Variants in SYNE1 observed in about 807,000 individuals in gnomAD.
The protein encoded by SYNE1 is nesprin-1.
In SYNE1, 616 loss-of-function variants were observed where a neutral mutation model predicts 1,111.0. The ratio of observed to expected loss-of-function variants is 0.55; its 90% CI spans 0.52 to 0.59. The LOEUF is 0.59. Ranked by LOEUF, SYNE1 falls within the 20% of genes least tolerant of loss-of-function variation. The probability of loss-of-function intolerance (pLI) is 0.00; values close to 1 mark genes in which losing one functional copy is unlikely to be tolerated. For synonymous variants in SYNE1, 3,855 were observed against 3,825.8 expected (o/e 1.01, Z -0.28); for missense variants, 10,006 against 10,417.0 (o/e 0.96, Z 1.72).
intron 138 of SYNE1, among the ~76,000 whole-genome samples, chr6:152,142,233 A>C (rs1217337337): frequency 6.6e-6 from 1 of 152,238 alleles, no homozygotes; most frequent in Non-Finnish European, 1.5e-5. Flanking sequence ...GACTCAAAAC[A>C]GATTAAACCA....
In SYNE1 at chr6:152,379,482, G is replaced by A. The variant is rs6937946; in HGVS notation, c.9009+1524C>T. Among the ~76,000 whole-genome samples, 408 of 152,058 alleles carry A rather than the reference G, an allele frequency of 2.7e-3. 3 individuals are homozygous for A. Among genetic ancestry groups the A allele is most frequent in the African/African-American group, 9.4e-3 (391 of 41,468 alleles). ...AAATAAATACTTTAATTCTTATTGT[G>A]ATCATCAACAATGACAAGTCCTCCC... On this transcript the variant is annotated intron_variant, in intron 56 of 145. Coordinates refer to ENST00000367255, the MANE Select transcript of SYNE1 (RefSeq NM_182961.4).
Position 152,567,586 on chromosome 6 carries a change from T to C in SYNE1, c.68-27565A>G, listed in dbSNP as rs1248968977. 5.3e-5 allele frequency among the ~76,000 whole-genome samples: 8 copies of C among 152,188 alleles called. No homozygotes were observed. In the East Asian group the frequency reaches 7.7e-4, roughly 15 times the overall value. On this transcript the variant is annotated intron_variant, in intron 3 of 145. Transcript: ENST00000367255. ...AAGAATAAAAGAAGAACAGAGTATT[T>C]TTTCAACTGCCATGATGTCTCCAGC...
chr6:152,552,918 T>C lies in SYNE1; in HGVS notation c.68-12897A>G, dbSNP rs2099352563. Among the ~76,000 whole-genome samples the C allele has an allele frequency of 2.0e-5, 3 of 152,160 alleles. No homozygotes were observed. The South Asian group carries it at 6.2e-4, about 32-fold the overall frequency. On this transcript the variant is annotated intron_variant, in intron 3 of 145. Coordinates refer to ENST00000367255, the MANE Select transcript of SYNE1 (RefSeq NM_182961.4). ...GGTTTCCACATGAGACAGCAGCTGG[T>C]GGATGTCACAAATAAATTTCCTGAG...
At chr6:152,316,709 A>T in intron 87 of SYNE1, 140 bp downstream of exon 87, 2 of 890,142 alleles carry the variant, frequency 2.2e-6, no homozygotes, top group Non-Finnish European at 3.6e-6. Flanking sequence ...CTACTGAACA[A>T]CTTAGGGGTA....
intron 3 of SYNE1, among the ~76,000 whole-genome samples, chr6:152,623,432 C>A (rs919363531): frequency 6.6e-6 from 1 of 152,102 alleles, no homozygotes; most frequent in African/African-American, 2.4e-5. Flanking sequence ...AGAAGACAAC[C>A]TGGGCAATAC....
Position 152,233,885 on chromosome 6 carries a change from T to C in SYNE1, c.20608A>G (p.Lys6870Glu), listed in dbSNP as rs761211695. 2.5e-6 allele frequency: 4 copies of C among 1,614,078 alleles called. No homozygotes were observed. The South Asian group carries it at 3.3e-5, about 13-fold the overall frequency. The stretch of plus-strand genomic sequence containing the variant: ...CGCAGCGTGGCTGTGTCCACCTTTT[T>C]TAGTCGAAGGAGCTGATTTCCAGTA... ...LSTGNQLLRL[K>E]KVDTATLRSE... Residue 6870 changes from lysine to glutamate, a missense_variant, in exon 112 of 146, where the codon AAA (lysine) becomes GAA (glutamate). Coordinates refer to ENST00000367255, the MANE Select transcript of SYNE1 (RefSeq NM_182961.4).
chr6:152,468,930 G>C (rs2098788196), intron 16 of SYNE1, among the ~76,000 whole-genome samples: 1 of 152,024 alleles, frequency 6.6e-6, no homozygotes, highest in Non-Finnish European at 1.5e-5. Context: ...TGCACACCAT[G>C]ACACCAGGCT....
rs780507732 is a variant in SYNE1, at chr6:152,294,002, T to C, written c.17808A>G (p.Lys5936=). Residue 5936 remains lysine (K), a synonymous_variant, in exon 94 of 146, where the codon AAA becomes AAG. Coordinates refer to ENST00000367255, the MANE Select transcript of SYNE1 (RefSeq NM_182961.4). ...CCCAAGAACGCTGCAAATCACCCAG[T>C]TTGGCAGTAGCGGATGGCTCCAATC... is the stretch of plus-strand genomic sequence containing the variant. ...EPGLEPSATA[K]LGDLQRSWET... 5.0e-6 allele frequency: 8 copies of C among 1,614,120 alleles called. No homozygotes were observed. In the Admixed American group the frequency reaches 1.2e-4, roughly 24 times the overall value.
chr6:152,262,704 G>A (rs545266832), intron 100 of SYNE1, among the ~76,000 whole-genome samples: 55 of 152,202 alleles, frequency 3.6e-4, no homozygotes, highest in African/African-American at 1.1e-3. Flanking sequence ...GGATAGTACA[G>A]GACCTGGGAA....
At chr6:152,151,886 G>A (rs2060485538) in intron 134 of SYNE1, 73 bp downstream of exon 134, 15 of 1,564,648 alleles carry the variant, frequency 9.6e-6, no homozygotes, top group African/African-American at 1.4e-5. Context: ...CTGAGACTGT[G>A]TCTCAAGACT....
At position 152,449,622 on chromosome 6, in the gene SYNE1, A is replaced by G; in HGVS notation, c.3415T>C (p.Trp1139Arg). ...YTSRFSEFSSWISTNETQLKG... is the reference protein window; with the variant it reads ...YTSRFSEFSSRISTNETQLKG... Reference sequence around the variant, plus strand: ...AATTGTGTCTCATTTGTAGATATCCAAGATGAGAACTCAGAGAATCTGAAA... The same window carrying G: ...AATTGTGTCTCATTTGTAGATATCCGAGATGAGAACTCAGAGAATCTGAAA... Residue 1139 changes from tryptophan (W) to arginine (R), a missense_variant, in exon 28 of 146, where the codon TGG (tryptophan) becomes CGG (arginine). Transcript: ENST00000367255. 1 of 1,613,554 alleles carries G rather than the reference A, an allele frequency of 6.2e-7. No homozygotes were observed. The highest frequency in any genetic ancestry group is 1.1e-5 in the South Asian group (1 of 91,078).
At chr6:152,129,685 G>C (rs1292686345) in intron 145 of SYNE1, 2 of 151,820 alleles carry the variant, frequency 1.3e-5, no homozygotes, top group African/African-American at 4.8e-5. Flanking sequence ...CTTCAGCCGA[G>C]TGGGAAGGAC....
chr6:152,574,240 G>C (rs2099487114), intron 3 of SYNE1, among the ~76,000 whole-genome samples: 1 of 145,520 alleles, frequency 6.9e-6, no homozygotes, highest in Non-Finnish European at 1.5e-5. Context: ...TAACAAGATA[G>C]GCCTTAGAAG....
At chr6:152,306,891 A>G (rs985329834) in intron 91 of SYNE1, among the ~76,000 whole-genome samples, 9 of 146,780 alleles carry the variant, frequency 6.1e-5, no homozygotes, top group African/African-American at 2.3e-4. Context: ...ATGATACAGC[A>G]AGACTGTGTC....
In SYNE1 at chr6:152,295,223, A is replaced by T. The variant is rs181491047; in HGVS notation, c.17683-1096T>A. Among the ~76,000 whole-genome samples the T allele has an allele frequency of 2.1e-3, 318 of 152,284 alleles. 2 individuals carry two copies. The highest frequency in any genetic ancestry group is 7.1e-3 in the African/African-American group (296 of 41,544). The stretch of plus-strand genomic sequence containing the variant: ...CTTGGGTGGGATTGAGGATTATATG[A>T]AATAATATTTGAGTGACTATGACAG... On this transcript the variant is annotated intron_variant, in intron 93 of 145. Transcript: ENST00000367255.
At chr6:152,299,392 C>T (rs2095053362) in intron 93 of SYNE1, among the ~76,000 whole-genome samples, 1 of 152,104 alleles carries the variant, frequency 6.6e-6, no homozygotes, top group Admixed American at 6.5e-5. Flanking sequence ...TCCCAAATTC[C>T]CCACGGCTCC....
chr6:152,350,383 A>C, intron 71 of SYNE1, 48 bp from the exon 72 acceptor site: 2 of 1,612,778 alleles, frequency 1.2e-6, no homozygotes. Context: ...TGAAAAACCT[A>C]CTCAAAACTG....
intron 124 of SYNE1, among the ~76,000 whole-genome samples, chr6:152,209,559 G>A (rs987819386): frequency 4.6e-5 from 7 of 152,024 alleles, no homozygotes; most frequent in Admixed American, 2.6e-4. Flanking sequence ...AGACCAGCCT[G>A]GCCAACATGG....
chr6:152,360,997 G>T (rs1018459767), intron 64 of SYNE1, among the ~76,000 whole-genome samples: 2 of 152,180 alleles, frequency 1.3e-5, no homozygotes, highest in Non-Finnish European at 2.9e-5. Flanking sequence ...AAAGAGCTTT[G>T]AACCAAGGGC....
Sources: gnomAD v4.1 joint callset for allele counts (sites outside exome capture counted in the v4.1 genomes callset) on GRCh38, gnomAD v4.1.1 for gene constraint, MANE v1.5 for transcripts, NCBI Gene and HGNC (gene_info 2026-07-23, HGNC 2026-07-21) for gene names.